PTPRO: variants seen among roughly 807,000 people sequenced by gnomAD.
PTPRO encodes protein tyrosine phosphatase receptor type O, also known as receptor-type tyrosine-protein phosphatase O.
In PTPRO, 62 loss-of-function variants were observed where a neutral mutation model predicts 145.2. That is an observed-to-expected ratio of 0.43 (90% CI 0.35 to 0.53). PTPRO has a LOEUF of 0.53. PTPRO is among the 20% of genes least tolerant of loss of function. The pLI, the probability that PTPRO is intolerant of heterozygous loss-of-function variation, is 0.01. For synonymous variants in PTPRO, 565 were observed against 514.7 expected (o/e 1.10, Z -1.32); for missense variants, 1,345 against 1,482.7 (o/e 0.91, Z 1.53).
Position 15,486,471 on chromosome 12 carries a change from G to C in PTPRO, c.349+2224G>C, listed in dbSNP as rs765550279. Among the ~76,000 whole-genome samples, 52 of 151,932 alleles carry C rather than the reference G, an allele frequency of 3.4e-4. 1 individual carries two copies. The highest frequency in any genetic ancestry group is 5.2e-4 in the Non-Finnish European group (35 of 67,952). On this transcript the variant is annotated intron_variant, in intron 2 of 26. Coordinates refer to ENST00000281171, the MANE Select transcript of PTPRO (RefSeq NM_030667.3). ...TGCAGACAGCATAGAGTTGAGTCTT[G>C]CTTTTTTTTTCCAATCTAAAAATCT...
intron 1 of PTPRO, among the ~76,000 whole-genome samples, chr12:15,453,279 C>G (rs1941093069): frequency 6.6e-6 from 1 of 151,920 alleles, no homozygotes; most frequent in Non-Finnish European, 1.5e-5. Context: ...GTATGAGCCA[C>G]CACACCTACA....
At position 15,417,449 on chromosome 12, in the gene PTPRO, G is replaced by T. The variant is rs745593562; in HGVS notation, c.76-66525G>T. On this transcript the variant is annotated intron_variant, in intron 1 of 26. Coordinates refer to ENST00000281171, the MANE Select transcript of PTPRO (RefSeq NM_030667.3). The stretch of plus-strand genomic sequence containing the variant: ...TTTAATTCATGTCTTTATGAAAATA[G>T]CAAAAGAGTATATTGAGAATGATTG... Among the ~76,000 whole-genome samples the T allele has an allele frequency of 7.3e-5, 11 of 151,626 alleles. 1 individual carries two copies. The highest frequency in any genetic ancestry group is 1.0e-4 in the Non-Finnish European group (7 of 68,022).
At chr12:15,362,893 C>A (rs1264000857) in intron 1 of PTPRO, among the ~76,000 whole-genome samples, 3 of 152,206 alleles carry the variant, frequency 2.0e-5, no homozygotes, top group African/African-American at 4.8e-5. Flanking sequence ...AATAGATCCA[C>A]AACTTTCTAA....
intron 22 of PTPRO, among the ~76,000 whole-genome samples, chr12:15,581,332 G>A (rs566218240): frequency 4.8e-5 from 6 of 124,492 alleles, no homozygotes; most frequent in Admixed American, 3.2e-4. Flanking sequence ...ACGGAGTCTC[G>A]TTCTGTTGCC....
At chr12:15,489,414 A>G (rs1327205396) in intron 2 of PTPRO, among the ~76,000 whole-genome samples, 1 of 152,194 alleles carries the variant, frequency 6.6e-6, no homozygotes, top group Non-Finnish European at 1.5e-5. Context: ...TCTATTGATT[A>G]CATCCTTAAC....
At chr12:15,561,875 G>C (rs1943781706) in intron 17 of PTPRO, among the ~76,000 whole-genome samples, 1 of 152,076 alleles carries the variant, frequency 6.6e-6, no homozygotes, top group Admixed American at 6.6e-5. Flanking sequence ...TTAAGCTTCT[G>C]TAAGGTAGGC....
intron 6 of PTPRO, among the ~76,000 whole-genome samples, chr12:15,507,804 A>G (rs1403605511): frequency 6.6e-6 from 1 of 152,228 alleles, no homozygotes. Flanking sequence ...GGAATACAGC[A>G]TCAAATTAAG....
At chr12:15,411,733 C>T (rs1343619659) in intron 1 of PTPRO, among the ~76,000 whole-genome samples, 11 of 152,156 alleles carry the variant, frequency 7.2e-5, no homozygotes, top group Admixed American at 5.9e-4. Context: ...TTAAATTGGG[C>T]GACAGAAATA....
chr12:15,498,217 T>C (rs987208777), intron 3 of PTPRO, among the ~76,000 whole-genome samples: 2 of 152,202 alleles, frequency 1.3e-5, no homozygotes, highest in Non-Finnish European at 2.9e-5. Context: ...TTTTACACAC[T>C]CATTTCTTCA....
At chr12:15,371,840 G>A (rs1340133987) in intron 1 of PTPRO, among the ~76,000 whole-genome samples, 2 of 151,876 alleles carry the variant, frequency 1.3e-5, no homozygotes, top group Non-Finnish European at 2.9e-5. Flanking sequence ...GTTTTATAAG[G>A]GGCTCTTCCC....
chr12:15,407,285 T>A (rs1020475283), intron 1 of PTPRO, among the ~76,000 whole-genome samples: 1 of 152,226 alleles, frequency 6.6e-6, no homozygotes, highest in Non-Finnish European at 1.5e-5. Context: ...GTGTGGCTGC[T>A]ATGTGAAATT....
intron 22 of PTPRO, among the ~76,000 whole-genome samples, chr12:15,581,162 C>T (rs1944305504): frequency 6.6e-6 from 1 of 152,134 alleles, no homozygotes; most frequent in Admixed American, 6.5e-5. Context: ...GTGGGTAAAA[C>T]TAGTCTCAGA....
In PTPRO at chr12:15,362,490, G is replaced by A. The variant is rs994225828; in HGVS notation, c.75+39689G>A. Among the ~76,000 whole-genome samples, 4 of 152,158 alleles carry A rather than the reference G, an allele frequency of 2.6e-5. No homozygotes were observed. The South Asian group carries it at 6.2e-4, about 24-fold the overall frequency. ...ATACATTTTATCTAAGTATTGTTTT[G>A]TATTGGATTTACTCTGAATATGTCA... On this transcript the variant is annotated intron_variant, in intron 1 of 26. Coordinates refer to ENST00000281171, the MANE Select transcript of PTPRO (RefSeq NM_030667.3).
intron 1 of PTPRO, among the ~76,000 whole-genome samples, chr12:15,353,878 C>G (rs1174121191): frequency 1.3e-5 from 2 of 152,182 alleles, no homozygotes; most frequent in Non-Finnish European, 2.9e-5. Context: ...CATGTTTCAT[C>G]TCCGGTTACA....
chr12:15,484,082 G>A lies in PTPRO; in HGVS notation c.184G>A (p.Gly62Ser). Residue 62 changes from glycine (G) to serine (S), a missense_variant, in exon 2 of 27, where the codon GGT (glycine) becomes AGT (serine). Physicochemically the swap from Gly to Ser is moderately conservative, Grantham distance 56. Around this residue, in one of 3 missense-constraint regions of PTPRO, gnomAD observed 1,130 missense variants for 1,214.7 expected, o/e 0.93. Transcript: ENST00000281171. ...PASVYVVKIT[G>S]ESKNYFFEFE... is the part of the protein sequence containing the mutation. The stretch of plus-strand genomic sequence containing the variant: ...ATCTGTGTATGTTGTGAAGATAACT[G>A]GTGAATCCAAAAATTATTTCTTCGA... 2 of 1,613,752 alleles carry A rather than the reference G, an allele frequency of 1.2e-6. No individual in the cohort carries two copies. Among genetic ancestry groups the A allele is most frequent in the Middle Eastern group, 3.3e-4 (2 of 6,062 alleles).
At chr12:15,593,935 T>G (rs1321461258) in intron 25 of PTPRO, among the ~76,000 whole-genome samples, 1 of 152,132 alleles carries the variant, frequency 6.6e-6, no homozygotes, top group Non-Finnish European at 1.5e-5. Flanking sequence ...ACTTCAAAAA[T>G]CATTTAATAA....
intron 1 of PTPRO, among the ~76,000 whole-genome samples, chr12:15,376,419 G>T (rs1938689046): frequency 6.6e-6 from 1 of 152,094 alleles, no homozygotes; most frequent in Non-Finnish European, 1.5e-5. Context: ...GAGAGAATTT[G>T]TTACTAGCAA....
At chr12:15,554,175 C>CA (rs1308279898) in intron 15 of PTPRO, among the ~76,000 whole-genome samples, 1 of 151,984 alleles carries the variant, frequency 6.6e-6, no homozygotes, top group African/African-American at 2.4e-5. Context: ...AACTCCATCT[C>CA]AAAAAACAAA....
chr12:15,415,145 C>T (rs935192681), intron 1 of PTPRO, among the ~76,000 whole-genome samples: 6 of 152,092 alleles, frequency 3.9e-5, no homozygotes, highest in South Asian at 2.1e-4. Flanking sequence ...CCAATTCACG[C>T]GTCACATGAG....
Sources: allele counts gnomAD v4.1 joint callset (sites outside exome capture counted in the v4.1 genomes callset), GRCh38; gene constraint gnomAD v4.1.1; regional missense constraint gnomAD v4.1.1; transcripts MANE v1.5; gene names NCBI Gene and HGNC (gene_info 2026-07-23, HGNC 2026-07-21).